SH3D19: variants seen among roughly 807,000 people sequenced by gnomAD.
SH3D19 encodes SH3 domain-containing protein 19.
SH3D19 carries 58 observed loss-of-function variants against 112.1 expected under a neutral mutation model. The observed-to-expected ratio is 0.52, with a 90% CI of 0.42 to 0.64. SH3D19 has a LOEUF of 0.64. Ranked by LOEUF, SH3D19 falls within the 30% of genes least tolerant of loss-of-function variation. The pLI is 0.00. For synonymous variants in SH3D19, 391 were observed against 448.5 expected, an observed-to-expected ratio of 0.87 and a Z score of 1.62; for missense variants, 1,090 against 1,263.4, an observed-to-expected ratio of 0.86 and a Z score of 2.08.
intron 1 of SH3D19, chr4:151,226,413 G>A: frequency 9.8e-7 from 1 of 1,021,262 alleles, no homozygotes; most frequent in South Asian, 4.6e-5. Context: ...AGAAAGCAAG[G>A]AAACTGCAAA....
chr4:151,184,306 T>G (rs987477355), intron 3 of SH3D19, among the ~76,000 whole-genome samples: 41 of 152,292 alleles, frequency 2.7e-4, no homozygotes, highest in African/African-American at 9.1e-4. Flanking sequence ...AACACACACA[T>G]TTTAATGGGC....
At chr4:151,165,979 T>G in intron 7 of SH3D19, 1 of 267,398 alleles carries the variant, frequency 3.7e-6, no homozygotes, top group South Asian at 5.5e-5. Flanking sequence ...GTGTAATCAT[T>G]TCATACGTGT....
intron 1 of SH3D19, among the ~76,000 whole-genome samples, chr4:151,299,557 G>C (rs1294124917): frequency 9.1e-6 from 1 of 109,946 alleles, no homozygotes; most frequent in African/African-American, 3.4e-5. Flanking sequence ...TCCAGCCTGG[G>C]CAACAAGAGC....
chr4:151,312,543 G>T (rs1380127885), intron 1 of SH3D19, among the ~76,000 whole-genome samples: 1 of 152,126 alleles, frequency 6.6e-6, no homozygotes, highest in African/African-American at 2.4e-5. Context: ...ATAACTGAGG[G>T]CCTTGTTGCT....
chr4:151,141,040 C>T (rs545203973), intron 12 of SH3D19: 4 of 152,272 alleles, frequency 2.6e-5, no homozygotes, highest in Non-Finnish European at 5.9e-5. Flanking sequence ...AAGACCCTAA[C>T]ATTTTTTCAT....
At chr4:151,227,158 T>C (rs1044186462) in intron 1 of SH3D19, among the ~76,000 whole-genome samples, 26 of 152,224 alleles carry the variant, frequency 1.7e-4, no homozygotes, top group Non-Finnish European at 2.1e-4. Flanking sequence ...ACGTAAAGAT[T>C]AAGACAGGAA....
chr4:151,209,306 C>T (rs1191212760), intron 2 of SH3D19, among the ~76,000 whole-genome samples: 2 of 150,328 alleles, frequency 1.3e-5, no homozygotes, highest in African/African-American at 2.5e-5. Flanking sequence ...TAAGAGAAAG[C>T]GTCACTCTGT....
intron 1 of SH3D19, among the ~76,000 whole-genome samples, chr4:151,243,574 C>A (rs1013162978): frequency 6.6e-6 from 1 of 152,180 alleles, no homozygotes; most frequent in Non-Finnish European, 1.5e-5. Flanking sequence ...GAAATTAAGT[C>A]CTATATGGAC....
intron 1 of SH3D19, among the ~76,000 whole-genome samples, chr4:151,316,585 T>C (rs1371637797): frequency 2.0e-5 from 3 of 151,754 alleles, no homozygotes; most frequent in Non-Finnish European, 4.4e-5. Context: ...ATTTTTTTAT[T>C]TTTTTCTTAA....
chr4:151,317,425 C>A (rs1177769743), intron 1 of SH3D19, among the ~76,000 whole-genome samples: 1 of 152,176 alleles, frequency 6.6e-6, no homozygotes, highest in Non-Finnish European at 1.5e-5. Context: ...GGATTAGTCT[C>A]TAAGCACCAT....
chr4:151,299,091 T>C (rs1224676312), intron 1 of SH3D19, among the ~76,000 whole-genome samples: 1 of 152,224 alleles, frequency 6.6e-6, no homozygotes, highest in East Asian at 1.9e-4. Context: ...AAAATTAAGC[T>C]TGCTTTTTAA....
At chr4:151,179,229 T>C (rs956889134) in intron 4 of SH3D19, 126 bp downstream of exon 4, 2 of 474,166 alleles carry the variant, frequency 4.2e-6, no homozygotes, top group East Asian at 3.6e-5. Flanking sequence ...TCAGGAGATA[T>C]ATTGATGAAG....
intron 2 of SH3D19, among the ~76,000 whole-genome samples, chr4:151,194,580 A>G (rs1561319306): frequency 1.3e-5 from 2 of 151,250 alleles, no homozygotes; most frequent in Non-Finnish European, 1.5e-5. Flanking sequence ...ACGCCCAGCT[A>G]ATTTTTTGTA....
chr4:151,134,042 A>C (rs1751304842), intron 15 of SH3D19, among the ~76,000 whole-genome samples: 1 of 152,234 alleles, frequency 6.6e-6, no homozygotes, highest in African/African-American at 2.4e-5. Flanking sequence ...CTTTAATAGA[A>C]TTCTGATTTA....
chr4:151,225,046 T>G (rs1768765367), intron 2 of SH3D19, among the ~76,000 whole-genome samples: 1 of 152,226 alleles, frequency 6.6e-6, no homozygotes, highest in South Asian at 2.1e-4. Context: ...TCTCTCAGAT[T>G]AGGTCTCACT....
intron 1 of SH3D19, chr4:151,226,600 A>G (rs1441597043): frequency 1.7e-5 from 7 of 420,660 alleles, no homozygotes; most frequent in African/African-American, 2.2e-5. Flanking sequence ...TTGGATTTCA[A>G]TGTTTCTCCA....
chr4:151,133,423 C>CA lies in SH3D19; in HGVS notation c.2487-188dup, dbSNP rs1349731477. ...TTTAAGTAACAGATATGAACCTATT[C>CA]ACTCAGAAAGGCTGAAGCTCAAGGT... is the stretch of plus-strand genomic sequence containing the variant. On this transcript the variant is annotated intron_variant, in intron 15 of 19. Coordinates refer to ENST00000604030, the MANE Select transcript of SH3D19 (RefSeq NM_001378122.1). Among the ~76,000 whole-genome samples the CA allele has an allele frequency of 2.0e-5, 3 of 152,146 alleles. No homozygotes were observed. In the East Asian group the frequency reaches 5.8e-4, roughly 29 times the overall value.
At chr4:151,130,303 G>A (rs1356553036) in intron 17 of SH3D19, among the ~76,000 whole-genome samples, 1 of 152,042 alleles carries the variant, frequency 6.6e-6, no homozygotes, top group Non-Finnish European at 1.5e-5. Flanking sequence ...AGCTGGGAGT[G>A]GTGGTGTGTG....
intron 1 of SH3D19, among the ~76,000 whole-genome samples, chr4:151,280,119 CAT>C (rs145972805): frequency 6.6e-6 from 1 of 152,208 alleles, no homozygotes; most frequent in South Asian, 2.1e-4. Context: ...AGAGACAGGG[CAT>C]AGAAGTAGAA....
Sources: gnomAD v4.1 joint callset for allele counts (sites outside exome capture counted in the v4.1 genomes callset) on GRCh38, gnomAD v4.1.1 for gene constraint, MANE v1.5 for transcripts, NCBI Gene and HGNC (gene_info 2026-07-23, HGNC 2026-07-21) for gene names.